Variants in PTPRD observed in about 807,000 individuals in gnomAD.
PTPRD encodes receptor-type tyrosine-protein phosphatase delta.
PTPRD carries 34 observed loss-of-function variants against 214.5 expected under a neutral mutation model. The observed-to-expected ratio is 0.16, with a 90% CI of 0.12 to 0.21. The LOEUF (loss-of-function observed/expected upper bound fraction) is 0.21, where lower values mean the gene tolerates loss of function less well. Among genes scored for constraint, PTPRD ranks in the 10% least tolerant of loss-of-function variants. The pLI, the probability that PTPRD is intolerant of heterozygous loss-of-function variation, is 1.00. For synonymous variants in PTPRD, 1,128 were observed against 845.7 expected (o/e 1.33, Z -5.79); for missense variants, 2,545 against 2,398.7 (o/e 1.06, Z -1.27).
chr9:10,474,223 G>C (rs773845201), intron 2 of PTPRD, among the ~76,000 whole-genome samples: 2 of 151,706 alleles, frequency 1.3e-5, no homozygotes, highest in Non-Finnish European at 2.9e-5. Flanking sequence ...TCAGTGTGCT[G>C]TATTCAGGAG....
chr9:9,226,924 A>G (rs2099959851), intron 9 of PTPRD, among the ~76,000 whole-genome samples: 1 of 152,102 alleles, frequency 6.6e-6, no homozygotes. Context: ...ATATATCTAA[A>G]TTTTGTTTCC....
chr9:9,977,336 C>A (rs1009134324), intron 4 of PTPRD, among the ~76,000 whole-genome samples: 2 of 152,112 alleles, frequency 1.3e-5, no homozygotes, highest in Admixed American at 1.3e-4. Context: ...AACCTCAAGG[C>A]CCTATTGGCA....
chr9:10,185,631 G>C (rs1160101002), intron 3 of PTPRD, among the ~76,000 whole-genome samples: 1 of 152,088 alleles, frequency 6.6e-6, no homozygotes, highest in African/African-American at 2.4e-5. Context: ...TAGAACACAG[G>C]CTAATTTGAC....
intron 9 of PTPRD, among the ~76,000 whole-genome samples, chr9:9,219,495 T>TA (rs1157209638): frequency 6.6e-6 from 1 of 152,104 alleles, no homozygotes; most frequent in Non-Finnish European, 1.5e-5. Context: ...CCAAATTCCT[T>TA]AAAGTTTAAA....
At chr9:10,251,609 G>C (rs1405478080) in intron 3 of PTPRD, among the ~76,000 whole-genome samples, 1 of 152,062 alleles carries the variant, frequency 6.6e-6, no homozygotes, top group Non-Finnish European at 1.5e-5. Flanking sequence ...AAATCACACA[G>C]AACATCACAG....
intron 14 of PTPRD, among the ~76,000 whole-genome samples, chr9:8,559,379 T>C (rs1041230539): frequency 5.3e-5 from 8 of 152,200 alleles, no homozygotes; most frequent in Admixed American, 6.5e-5. Flanking sequence ...ATATGAACTA[T>C]ATCAATTTAA....
At chr9:9,116,693 G>A (rs2099812664) in intron 10 of PTPRD, among the ~76,000 whole-genome samples, 1 of 151,668 alleles carries the variant, frequency 6.6e-6, no homozygotes, top group Non-Finnish European at 1.5e-5. Flanking sequence ...TCTTGGGGGG[G>A]AAGGGAAAGA....
chr9:9,839,915 A>AAC (rs577386340), intron 5 of PTPRD, among the ~76,000 whole-genome samples: 121 of 151,934 alleles, frequency 8.0e-4, no homozygotes, highest in South Asian at 5.6e-3. Context: ...TGCATTTTTA[A>AAC]ACACACACAC....
At chr9:8,434,417 G>A (rs772730368) in intron 35 of PTPRD, among the ~76,000 whole-genome samples, 2 of 152,134 alleles carry the variant, frequency 1.3e-5, no homozygotes, top group Non-Finnish European at 2.9e-5. Flanking sequence ...GTGTATAATA[G>A]ACTATACTAT....
intron 9 of PTPRD, among the ~76,000 whole-genome samples, chr9:9,213,913 T>C (rs1330629715): frequency 6.6e-6 from 1 of 152,148 alleles, no homozygotes; most frequent in African/African-American, 2.4e-5. Flanking sequence ...GTGTAGTTTT[T>C]CTTGTTTGTA....
chr9:8,866,854 C>G (rs1428562708), intron 11 of PTPRD, among the ~76,000 whole-genome samples: 1 of 152,082 alleles, frequency 6.6e-6, no homozygotes, highest in Non-Finnish European at 1.5e-5. Flanking sequence ...TTGAATCTCT[C>G]TTGTACTGAA....
At chr9:10,435,334 C>T (rs540571051) in intron 2 of PTPRD, among the ~76,000 whole-genome samples, 6 of 151,998 alleles carry the variant, frequency 3.9e-5, no homozygotes, top group African/African-American at 1.4e-4. Context: ...CTTTACACGA[C>T]TCATACAGAA....
chr9:9,075,641 G>A (rs200797823), intron 10 of PTPRD, among the ~76,000 whole-genome samples: 6 of 151,886 alleles, frequency 4.0e-5, no homozygotes, highest in Middle Eastern at 3.2e-3. Flanking sequence ...ATTCCCACCT[G>A]TGAGTGAGAA....
chr9:10,524,871 G>A (rs968449767), intron 2 of PTPRD, among the ~76,000 whole-genome samples: 39 of 151,294 alleles, frequency 2.6e-4, no homozygotes, highest in African/African-American at 9.2e-4. Context: ...CATAGCTACA[G>A]GTGAATTTAA....
intron 10 of PTPRD, among the ~76,000 whole-genome samples, chr9:9,023,099 T>C (rs966873754): frequency 7.9e-5 from 12 of 152,110 alleles, no homozygotes; most frequent in East Asian, 1.9e-4. Context: ...AATAACTTCA[T>C]GGGGTTTTGG....
intron 3 of PTPRD, among the ~76,000 whole-genome samples, chr9:10,137,665 A>G (rs2098951919): frequency 2.7e-5 from 2 of 75,278 alleles, no homozygotes; most frequent in South Asian, 1.4e-3. Context: ...ACTAACCTGC[A>G]CAATGTGCAC....
intron 14 of PTPRD, among the ~76,000 whole-genome samples, chr9:8,533,205 A>G (rs889236940): frequency 2.0e-5 from 3 of 152,040 alleles, no homozygotes; most frequent in Admixed American, 2.0e-4. Flanking sequence ...GAAAATCTGA[A>G]TTGCCTGCTA....
At chr9:8,430,528 C>T (rs1280184360) in intron 35 of PTPRD, among the ~76,000 whole-genome samples, 5 of 151,852 alleles carry the variant, frequency 3.3e-5, no homozygotes, top group South Asian at 2.1e-4. Flanking sequence ...CTGCCCGCAG[C>T]GTCCTCCCAA....
intron 11 of PTPRD, among the ~76,000 whole-genome samples, chr9:8,834,750 T>C (rs1292500520): frequency 1.3e-5 from 2 of 152,152 alleles, no homozygotes; most frequent in African/African-American, 4.8e-5. Context: ...ACCAAAACAA[T>C]GAGCTGGAAC....
Sources: gnomAD v4.1 joint callset for allele counts (sites outside exome capture counted in the v4.1 genomes callset) on GRCh38, gnomAD v4.1.1 for gene constraint, MANE v1.5 for transcripts, NCBI Gene and HGNC (gene_info 2026-07-23, HGNC 2026-07-21) for gene names.